The following DENND6A variants were observed in gnomAD, a reference collection of about 807,000 sequenced individuals.
The protein encoded by DENND6A is protein DENND6A.
DENND6A carries 43 observed loss-of-function variants against 95.5 expected under a neutral mutation model. The observed-to-expected ratio is 0.45, with a 90% CI of 0.35 to 0.58. The LOEUF is 0.58. Ranked by LOEUF, DENND6A falls within the 20% of genes least tolerant of loss-of-function variation. The pLI is 0.00. For synonymous variants in DENND6A, 257 were observed against 260.4 expected, an observed-to-expected ratio of 0.99 and a Z score of 0.13; for missense variants, 574 against 736.0, an observed-to-expected ratio of 0.78 and a Z score of 2.55.
chr3:57,666,920 A>C (rs1218204048), intron 3 of DENND6A, among the ~76,000 whole-genome samples: 1 of 152,252 alleles, frequency 6.6e-6, no homozygotes, highest in African/African-American at 2.4e-5. Context: ...AAAAAGATAT[A>C]AAAGTTATGC....
intron 1 of DENND6A, among the ~76,000 whole-genome samples, chr3:57,676,808 C>T (rs762107601): frequency 2.2e-4 from 33 of 152,148 alleles, no homozygotes; most frequent in African/African-American, 7.0e-4. Context: ...GCTCAAACTG[C>T]TATTTTTTAT....
intron 1 of DENND6A, among the ~76,000 whole-genome samples, chr3:57,685,586 TG>T (rs2077204769): frequency 6.6e-6 from 1 of 152,198 alleles, no homozygotes; most frequent in Non-Finnish European, 1.5e-5. Flanking sequence ...AGATTTTGAA[TG>T]TTTAGATTAG....
chr3:57,648,907 A>T (rs527485964), intron 9 of DENND6A, among the ~76,000 whole-genome samples: 191 of 152,340 alleles, frequency 1.3e-3, no homozygotes, highest in African/African-American at 3.9e-3. Context: ...CTGAAATCAT[A>T]AAATTTCTAG....
intron 14 of DENND6A, among the ~76,000 whole-genome samples, chr3:57,633,955 T>C (rs1275490984): frequency 1.3e-5 from 2 of 151,990 alleles, no homozygotes; most frequent in African/African-American, 4.8e-5. Context: ...TACTATACTA[T>C]TTACATTAAA....
intron 1 of DENND6A, among the ~76,000 whole-genome samples, chr3:57,679,032 A>C (rs1029766006): frequency 6.6e-6 from 1 of 152,272 alleles, no homozygotes; most frequent in African/African-American, 2.4e-5. Flanking sequence ...TGAATCCAGA[A>C]GGTGGAGGTT....
chr3:57,629,021 A>G, intron 18 of DENND6A, 136 bp from the exon 19 acceptor site: 1 of 611,574 alleles, frequency 1.6e-6, no homozygotes, highest in Non-Finnish European at 2.7e-6. Flanking sequence ...ATATAGCATT[A>G]TAGTGCAAGA....
At chr3:57,646,486 G>A in intron 9 of DENND6A, 48 bp from the exon 10 acceptor site, 1 of 1,547,500 alleles carries the variant, frequency 6.5e-7, no homozygotes, top group Non-Finnish European at 8.7e-7. Flanking sequence ...AGCCAATCCT[G>A]TTTTTAAAAT....
intron 1 of DENND6A, among the ~76,000 whole-genome samples, chr3:57,690,191 C>CA (rs1279678072): frequency 1.3e-5 from 2 of 149,076 alleles, no homozygotes; most frequent in African/African-American, 2.5e-5. Context: ...CTAAAAAAAA[C>CA]AAAAAAACAA....
At chr3:57,676,728 A>G (rs533114832) in intron 1 of DENND6A, among the ~76,000 whole-genome samples, 5 of 152,336 alleles carry the variant, frequency 3.3e-5, no homozygotes, top group Admixed American at 6.5e-5. Context: ...AAACTTAGAA[A>G]ACAATGAATT....
At chr3:57,671,129 A>G (rs1458869346) in intron 3 of DENND6A, among the ~76,000 whole-genome samples, 1 of 152,202 alleles carries the variant, frequency 6.6e-6, no homozygotes, top group East Asian at 1.9e-4. Context: ...GATAGGAAAA[A>G]AATTCTGGAA....
At chr3:57,663,019 G>A (rs1457310520) in intron 5 of DENND6A, among the ~76,000 whole-genome samples, 1 of 150,864 alleles carries the variant, frequency 6.6e-6, no homozygotes, top group Non-Finnish European at 1.5e-5. Context: ...CTTGTGAGGT[G>A]CCTGTAATCC....
intron 4 of DENND6A, among the ~76,000 whole-genome samples, chr3:57,664,752 G>C (rs2153415889): frequency 6.6e-6 from 1 of 152,286 alleles, no homozygotes; most frequent in South Asian, 2.1e-4. Flanking sequence ...AGAATCGCTT[G>C]AACCCAGGAG....
chr3:57,683,455 C>T (rs1406207837), intron 1 of DENND6A, among the ~76,000 whole-genome samples: 1 of 152,120 alleles, frequency 6.6e-6, no homozygotes, highest in Admixed American at 6.6e-5. Context: ...TCAGGAAATC[C>T]AACTTTATGT....
intron 15 of DENND6A, among the ~76,000 whole-genome samples, chr3:57,631,503 A>G (rs542644349): frequency 2.9e-4 from 44 of 151,264 alleles, no homozygotes; most frequent in African/African-American, 1.0e-3. Flanking sequence ...AACGCGGTCC[A>G]TTTTTTAACG....
intron 11 of DENND6A, among the ~76,000 whole-genome samples, chr3:57,642,709 T>C (rs1559809569): frequency 2.0e-5 from 3 of 151,888 alleles, no homozygotes; most frequent in Middle Eastern, 3.4e-3. Context: ...AAGCACTTAT[T>C]AGAAAGATCA....
At chr3:57,683,614 T>C (rs1218438794) in intron 1 of DENND6A, among the ~76,000 whole-genome samples, 1 of 152,178 alleles carries the variant, frequency 6.6e-6, no homozygotes, top group Non-Finnish European at 1.5e-5. Context: ...CTGGGTACTA[T>C]TATTACACTG....
At position 57,627,152 on chromosome 3, in the gene DENND6A, T is replaced by A. The variant is rs1575806212; in HGVS notation, c.*1062A>T. 1 of 152,216 alleles carries A rather than the reference T, an allele frequency of 6.6e-6. No homozygotes were observed. Among genetic ancestry groups the A allele is most frequent in the Non-Finnish European group, 1.5e-5 (1 of 68,048 alleles). The allele number at this position is 152,216 out of a possible 1,614,324, so 9.4% of individuals were successfully genotyped here. On this transcript the variant is annotated 3_prime_UTR_variant, in exon 20 of 20. Coordinates refer to ENST00000311128, the MANE Select transcript of DENND6A (RefSeq NM_152678.3). Reference sequence around the variant, plus strand: ...TTAAATTAGTATTTATTTAATTTTTTATTTTTGTTGAGACACAGTCTCACT... The same window carrying A: ...TTAAATTAGTATTTATTTAATTTTTAATTTTTGTTGAGACACAGTCTCACT...
chr3:57,665,215 C>T (rs2071508021), intron 4 of DENND6A, among the ~76,000 whole-genome samples: 2 of 152,072 alleles, frequency 1.3e-5, no homozygotes, highest in South Asian at 4.1e-4. Context: ...CCTCTTTACT[C>T]GTTAAACAAT....
chr3:57,676,742 T>A (rs1404912661), intron 1 of DENND6A, among the ~76,000 whole-genome samples: 2 of 152,178 alleles, frequency 1.3e-5, no homozygotes, highest in African/African-American at 4.8e-5. Flanking sequence ...ATGAATTAAG[T>A]TTTTGTAGAT....
Sources: gnomAD v4.1 joint callset for allele counts (sites outside exome capture counted in the v4.1 genomes callset) on GRCh38, gnomAD v4.1.1 for gene constraint, MANE v1.5 for transcripts, NCBI Gene and HGNC (gene_info 2026-07-23, HGNC 2026-07-21) for gene names.